SUGP1: variants seen among roughly 807,000 people sequenced by gnomAD.
The protein encoded by SUGP1 is SURP and G-patch domain-containing protein 1.
SUGP1 carries 34 observed loss-of-function variants against 76.5 expected under a neutral mutation model. The observed-to-expected ratio is 0.44, with a 90% CI of 0.34 to 0.59. The LOEUF is 0.59. Among genes scored for constraint, SUGP1 ranks in the 20% least tolerant of loss-of-function variants. The pLI, the probability that SUGP1 is intolerant of heterozygous loss-of-function variation, is 0.01. For synonymous variants in SUGP1, 326 were observed against 326.2 expected (o/e 1.00, Z 0.01); for missense variants, 752 against 851.7 (o/e 0.88, Z 1.46).
intron 8 of SUGP1, among the ~76,000 whole-genome samples, chr19:19,292,623 C>T (rs2061194535): frequency 1.3e-5 from 2 of 151,944 alleles, no homozygotes; most frequent in African/African-American, 4.8e-5. Flanking sequence ...TGAGATCGCG[C>T]TACTGCACTC....
intron 7 of SUGP1, chr19:19,302,035 C>T (rs1037997775): frequency 3.5e-6 from 2 of 567,482 alleles, no homozygotes; most frequent in East Asian, 3.0e-5. Flanking sequence ...GACACAAAGG[C>T]CCCAAAGGCC....
chr19:19,299,539 A>ATT (rs36109106), intron 7 of SUGP1, among the ~76,000 whole-genome samples: 2,789 of 141,768 alleles, frequency 0.02, 80 homozygotes, highest in African/African-American at 0.058. Context: ...CACCCGGCTA[A>ATT]TTTTTTTTTT....
intron 1 of SUGP1, among the ~76,000 whole-genome samples, chr19:19,317,458 G>A (rs1366330424): frequency 1.3e-5 from 2 of 152,156 alleles, no homozygotes; most frequent in Non-Finnish European, 2.9e-5. Context: ...CAGAGCATCT[G>A]TGCTTTATTA....
intron 6 of SUGP1, among the ~76,000 whole-genome samples, chr19:19,303,091 G>A (rs974279571): frequency 1.3e-5 from 2 of 152,134 alleles, no homozygotes; most frequent in Non-Finnish European, 2.9e-5. Flanking sequence ...TCCCAGAAGC[G>A]ACCTCGACCT....
intron 7 of SUGP1, among the ~76,000 whole-genome samples, chr19:19,300,750 C>T (rs923470054): frequency 7.2e-5 from 11 of 152,268 alleles, no homozygotes; most frequent in African/African-American, 2.4e-4. Flanking sequence ...CCACCCCAGG[C>T]GACCTCAACC....
In SUGP1 at chr19:19,318,105, C is replaced by A. The variant is rs2061407870; in HGVS notation, c.35-1512G>T. ...GAATTACAGGCGTGAGCCACCGAAC[C>A]CAGCCTTCTTTTTTTTTTTTTTTTT... On this transcript the variant is annotated intron_variant, in intron 1 of 13. Coordinates refer to ENST00000247001, the MANE Select transcript of SUGP1 (RefSeq NM_172231.4). Among the ~76,000 whole-genome samples the A allele has an allele frequency of 2.2e-5, 3 of 137,850 alleles. No individual in the cohort carries two copies. The Admixed American group carries it at 2.2e-4, about 10-fold the overall frequency. The allele number at this position is 137,850 out of a possible 152,430, so 90.4% of individuals were successfully genotyped here. A position where few individuals can be genotyped will look rare whatever the true frequency, so the allele number is the denominator to read the frequency against.
At chr19:19,287,609 C>T (rs913816607) in intron 8 of SUGP1, among the ~76,000 whole-genome samples, 1 of 151,964 alleles carries the variant, frequency 6.6e-6, no homozygotes. Context: ...AGATACCACA[C>T]TGGAGAAATT....
intron 10 of SUGP1, among the ~76,000 whole-genome samples, chr19:19,279,009 G>C (rs2061075720): frequency 6.6e-6 from 1 of 152,144 alleles, no homozygotes; most frequent in African/African-American, 2.4e-5. Flanking sequence ...CACGATGTCA[G>C]GACTGCTCCT....
intron 1 of SUGP1, among the ~76,000 whole-genome samples, chr19:19,318,741 G>A (rs963466688): frequency 6.6e-6 from 1 of 152,034 alleles, no homozygotes; most frequent in Non-Finnish European, 1.5e-5. Flanking sequence ...ATATCCACAG[G>A]GTCGTTTTAT....
chr19:19,287,691 C>T (rs932395584), intron 8 of SUGP1, among the ~76,000 whole-genome samples: 1 of 152,126 alleles, frequency 6.6e-6, no homozygotes, highest in Non-Finnish European at 1.5e-5. Flanking sequence ...GCCGGAGAAG[C>T]GGCAGCAGCA....
In SUGP1 at chr19:19,297,277, C is replaced by T. The variant is rs1235202386; in HGVS notation, c.955G>A (p.Ala319Thr). 6.4e-7 allele frequency: 1 copy of T among 1,555,898 alleles called. No homozygotes were observed. Among genetic ancestry groups the T allele is most frequent in the African/African-American group, 1.4e-5 (1 of 73,342 alleles). ...YRQKLEEFRK[A>T]KASSTGSFTA... ...AAGCTGCCTGTGGAGCTGGCCTTGG[C>T]TTTCCGGAACTCCTCCAGCTTCTGT... Residue 319 changes from alanine (A) to threonine (T), a missense_variant, in exon 8 of 14, where the codon GCC becomes ACC. By Grantham distance (58) the Ala-to-Thr change is moderately conservative (BLOSUM62 0). Transcript: ENST00000247001.
chr19:19,296,787 G>A (rs971082904), intron 8 of SUGP1, among the ~76,000 whole-genome samples: 3 of 152,248 alleles, frequency 2.0e-5, no homozygotes, highest in East Asian at 1.9e-4. Flanking sequence ...GCCAAGCAGT[G>A]TAAACAACCT....
At chr19:19,316,348 A>C in intron 2 of SUGP1, 74 bp downstream of exon 2, 2 of 1,571,870 alleles carry the variant, frequency 1.3e-6, no homozygotes. Flanking sequence ...GACTGCCCTC[A>C]CAAGCCAAAC....
At chr19:19,319,700 C>T (rs2061423771) in intron 1 of SUGP1, among the ~76,000 whole-genome samples, 1 of 110,126 alleles carries the variant, frequency 9.1e-6, no homozygotes, top group African/African-American at 3.7e-5. Flanking sequence ...AAGTGAGACC[C>T]TGTCTCAAAA....
In SUGP1 at chr19:19,305,869, T is replaced by C. The variant is rs776884463; in HGVS notation, c.518A>G (p.Glu173Gly). ...CTTACCTTTGATCTCCAGCCACTGC[T>C]CATAGTCCTCCTCCTCGTCCTCGTC... ...SPDEDEEEDYEQWLEIKVSPP... is the reference protein window; with the variant it reads ...SPDEDEEEDYGQWLEIKVSPP... The change falls in exon 4 of 14, where the codon GAG becomes GGG. Residue 173 changes from glutamate to glycine, a missense_variant. Physicochemically the swap from Glu to Gly is moderately conservative, Grantham distance 98. Transcript: ENST00000247001. 6.2e-7 allele frequency: 1 copy of C among 1,611,110 alleles called. No individual in the cohort carries two copies. Among genetic ancestry groups the C allele is most frequent in the Admixed American group, 1.7e-5 (1 of 59,744 alleles).
intron 8 of SUGP1, among the ~76,000 whole-genome samples, chr19:19,293,889 A>G (rs2061204680): frequency 6.6e-6 from 1 of 152,200 alleles, no homozygotes; most frequent in Admixed American, 6.5e-5. Context: ...AAAACCCTGA[A>G]GAATCCACAA....
intron 2 of SUGP1, 42 bp from the exon 3 acceptor site, chr19:19,310,242 G>A (rs1568634774): frequency 3.4e-6 from 5 of 1,483,006 alleles, no homozygotes; most frequent in Non-Finnish European, 4.7e-6. Flanking sequence ...GCTGGCTAGA[G>A]ATGGAGTGAG....
Position 19,280,303 on chromosome 19 carries a change from A to G in SUGP1, c.1244-12T>C, listed in dbSNP as rs1327282411. 6.2e-7 allele frequency: 1 copy of G among 1,612,490 alleles called. No homozygotes were observed. The highest frequency in any genetic ancestry group is 1.3e-5 in the African/African-American group (1 of 74,908). On this transcript the variant is annotated splice_polypyrimidine_tract_variant and intron_variant, in intron 8 of 13. Transcript: ENST00000247001. ...CTTGAGGTCCTGAACTGGAAACCAA[A>G]GACACAGGGTAGTCAGAGCCTGACA... is the stretch of plus-strand genomic sequence containing the variant.
chr19:19,292,272 CAA>C (rs543248625), intron 8 of SUGP1, among the ~76,000 whole-genome samples: 16 of 61,136 alleles, frequency 2.6e-4, no homozygotes, highest in Admixed American at 5.0e-4. Flanking sequence ...GACTCCGTCT[CAA>C]AAAAAAAAAA....
Sources: allele counts gnomAD v4.1 joint callset (sites outside exome capture counted in the v4.1 genomes callset), GRCh38; gene constraint gnomAD v4.1.1; transcripts MANE v1.5; gene names NCBI Gene and HGNC (gene_info 2026-07-23, HGNC 2026-07-21).